GNL2: variants seen among roughly 807,000 people sequenced by gnomAD.
GNL2 encodes G protein nucleolar 2.
GNL2 carries 51 observed loss-of-function variants against 92.3 expected under a neutral mutation model. The observed-to-expected ratio is 0.55, with a 90% CI of 0.44 to 0.70. The LOEUF (loss-of-function observed/expected upper bound fraction) is 0.70. Ranked by LOEUF, GNL2 falls within the 30% of genes least tolerant of loss-of-function variation. The pLI, the probability that GNL2 is intolerant of heterozygous loss-of-function variation, is 0.00. For missense variants in GNL2, 844 were observed against 895.6 expected, an observed-to-expected ratio of 0.94 and a Z score of 0.74; for synonymous variants, 283 against 300.6, an observed-to-expected ratio of 0.94 and a Z score of 0.61.
Position 37,575,602 on chromosome 1 carries a change from T to C in GNL2, c.1136A>G (p.Lys379Arg). Residue 379 changes from lysine (K) to arginine (R), a missense_variant, in exon 10 of 16, where the codon AAA (lysine) becomes AGA (arginine). Transcript: ENST00000373062. This position sits in a 1 kb window ranked among gnomAD's most constrained non-coding sequence, Gnocchi z 4.1. The stretch of plus-strand genomic sequence containing the variant: ...TCAGGGCCAAATACTCACAACTCCT[T>C]TTAGCACAATGTCTGTCTCGGAGTC... ...SEDSETDIVLKGVVQVEKIKS... is the reference protein window; with the variant it reads ...SEDSETDIVLRGVVQVEKIKS... 2 of 1,580,368 alleles carry C rather than the reference T, an allele frequency of 1.3e-6. No individual in the cohort carries two copies. The highest frequency in any genetic ancestry group is 1.4e-5 in the African/African-American group (1 of 72,844).
Position 37,574,326 on chromosome 1 carries a change from G to A in GNL2, c.1416+17C>T, listed in dbSNP as rs546299461. 41 of 1,567,738 alleles carry A rather than the reference G, an allele frequency of 2.6e-5. No individual in the cohort carries two copies. The highest frequency in any genetic ancestry group is 3.6e-5 in the Non-Finnish European group (41 of 1,139,732). On this transcript the variant is annotated intron_variant, in intron 12 of 15. Transcript: ENST00000373062. ...CAGGACCCATGCTCCCCAGAGGTGG[G>A]CCCACCCTGCTCTTACCTGGGGGGC...
chr1:37,582,286 A>G lies in GNL2; in HGVS notation c.846T>C (p.His282=), dbSNP rs754217717. Residue 282 remains histidine (H), a synonymous_variant, in exon 8 of 16, where the codon CAT becomes CAC. Transcript: ENST00000373062. The part of the protein sequence containing the change: ...LSQDYPTLAF[H]ASLTNPFGKG... ...TGCCAAACGGGTTAGTAAGGCTTGC[A>G]TGGAAAGCAAGTGTTGGATAATCCT... 10 of 1,613,636 alleles carry G rather than the reference A, an allele frequency of 6.2e-6. No individual in the cohort carries two copies. The highest frequency in any genetic ancestry group is 1.3e-5 in the African/African-American group (1 of 74,932).
In GNL2 at chr1:37,574,475, AT is replaced by A. The variant is rs1424189280; in HGVS notation, c.1303-20del. The A allele has an allele frequency of 1.3e-6, 2 of 1,595,420 alleles. No individual in the cohort carries two copies. The highest frequency in any genetic ancestry group is 2.7e-5 in the African/African-American group (2 of 74,530). The stretch of plus-strand genomic sequence containing the variant: ...CTCCACCCTGAAAGGTCACAAAGAG[AT>A]TCCCAATTAAATTCAAAGGACCAAA... On this transcript the variant is annotated intron_variant, in intron 11 of 15. Transcript: ENST00000373062.
chr1:37,576,383 G>GA, intron 9 of GNL2, 45 bp downstream of exon 9: 1 of 1,578,376 alleles, frequency 6.3e-7, no homozygotes, highest in East Asian at 2.2e-5. Context: ...CACTCTCTAT[G>GA]AAAAGAAAAT....
chr1:37,595,749 C>A lies in GNL2; in HGVS notation c.64+10G>T. The A allele has an allele frequency of 6.2e-7, 1 of 1,613,058 alleles. No homozygotes were observed. Among genetic ancestry groups the A allele is most frequent in the Non-Finnish European group, 8.5e-7 (1 of 1,178,922 alleles). ...CAAGCTCCACCCTCGATCAGCCCTG[C>A]CGCCTGTACCTGGGTTTGTGCTGGC... On this transcript the variant is annotated intron_variant, in intron 1 of 15. Transcript: ENST00000373062.
Position 37,575,559 on chromosome 1 carries a change from G to A in GNL2, c.1143+36C>T, listed in dbSNP as rs772528378. 17 of 1,285,018 alleles carry A rather than the reference G, an allele frequency of 1.3e-5. No individual in the cohort carries two copies. The Admixed American group carries it at 1.4e-4, about 11-fold the overall frequency. The allele number at this position is 1,285,018 out of a possible 1,614,324, so 79.6% of individuals were successfully genotyped here. On this transcript the variant is annotated intron_variant, in intron 10 of 15. Transcript: ENST00000373062. The surrounding 1 kb of genome is among the most constrained non-coding windows in gnomAD (Gnocchi z 4.1). ...AGGGTTCCCTATAGAACACTCCCCC[G>A]CAAACACAAACAGCCTATCAGGGCC...
intron 15 of GNL2, 141 bp from the exon 16 acceptor site, chr1:37,567,148 G>C: frequency 1.2e-6 from 1 of 825,438 alleles, no homozygotes; most frequent in South Asian, 1.8e-5. Flanking sequence ...GTGCTAATGA[G>C]GGAGGGCTCC....
At position 37,593,815 on chromosome 1, in the gene GNL2, C is replaced by T. The variant is rs140969125; in HGVS notation, c.96G>A (p.Met32Ile). Residue 32 changes from methionine to isoleucine, a missense_variant, in exon 2 of 16, where the codon ATG (methionine) becomes ATA (isoleucine). Met to Ile is a conservative substitution (Grantham distance 10). Transcript: ENST00000373062. ...GGCGCCGGATGGTGGCCCGGTCCCT[C>T]ATGTTTTGGCCTCCTGCTCCCTGCA... ...DRVQGAGGQN[M>I]RDRATIRRLN... is the part of the protein sequence containing the mutation. 7.1e-5 allele frequency: 115 copies of T among 1,613,976 alleles called. No homozygotes were observed. In the African/African-American group the frequency reaches 1.4e-3, roughly 19 times the overall value.
At chr1:37,593,974 A>C in intron 1 of GNL2, 128 bp from the exon 2 acceptor site, 1 of 625,790 alleles carries the variant, frequency 1.6e-6, no homozygotes. Flanking sequence ...AAAAATCTCT[A>C]CTTTCTCCAT....
chr1:37,578,296 A>G (rs966569968), intron 8 of GNL2, among the ~76,000 whole-genome samples: 2 of 151,974 alleles, frequency 1.3e-5, no homozygotes, highest in Non-Finnish European at 2.9e-5. Flanking sequence ...AAAATTAACC[A>G]GGTCTGGTGG....
At chr1:37,582,753 A>G (rs1643791397) in intron 7 of GNL2, 25 bp downstream of exon 7, 6 of 1,584,232 alleles carry the variant, frequency 3.8e-6, no homozygotes, top group South Asian at 1.1e-5. Flanking sequence ...TTAATAGTCT[A>G]TTCTGGTTTA....
At chr1:37,567,889 T>G (rs928311680) in intron 14 of GNL2, 125 bp from the exon 15 acceptor site, 1 of 727,936 alleles carries the variant, frequency 1.4e-6, no homozygotes, top group African/African-American at 1.7e-5. Flanking sequence ...GTGAGCACAG[T>G]GGTGAGTAAA....
At chr1:37,582,398 G>T in intron 7 of GNL2, 62 bp from the exon 8 acceptor site, 1 of 947,818 alleles carries the variant, frequency 1.1e-6, no homozygotes, top group Non-Finnish European at 1.6e-6. Context: ...TTATGTGGAA[G>T]AATCAGAGCT....
intron 4 of GNL2, among the ~76,000 whole-genome samples, chr1:37,588,791 G>A (rs1330382562): frequency 6.6e-6 from 1 of 152,132 alleles, no homozygotes; most frequent in Non-Finnish European, 1.5e-5. Context: ...TAACTCCACT[G>A]TGCAAAATAA....
intron 2 of GNL2, among the ~76,000 whole-genome samples, chr1:37,593,047 C>T (rs114172253): frequency 0.011 from 1,719 of 151,966 alleles, 38 homozygotes; most frequent in African/African-American, 0.04. Flanking sequence ...CTAATGGTGA[C>T]GTTCTAAAAA....
In GNL2 at chr1:37,582,309, C is replaced by G. The variant is rs757993355; in HGVS notation, c.823G>C (p.Asp275His). The change falls in exon 8 of 16, where the codon GAT (aspartate) becomes CAT (histidine). Residue 275 changes from aspartate (D) to histidine (H), a missense_variant. Physicochemically the swap from Asp to His is moderately conservative, Grantham distance 81 (BLOSUM62 -1). Coordinates refer to ENST00000373062, the MANE Select transcript of GNL2 (RefSeq NM_013285.3). ...TKRWVAVLSQ[D>H]YPTLAFHASL... Reference sequence around the variant, plus strand: ...GCATGGAAAGCAAGTGTTGGATAATCCTGGGAGAGGACAGCAACCCACCGT... The same window carrying G: ...GCATGGAAAGCAAGTGTTGGATAATGCTGGGAGAGGACAGCAACCCACCGT... 1 of 1,612,590 alleles carries G rather than the reference C, an allele frequency of 6.2e-7. No individual in the cohort carries two copies. The highest frequency in any genetic ancestry group is 8.5e-7 in the Non-Finnish European group (1 of 1,179,266).
chr1:37,587,234 T>G lies in GNL2; in HGVS notation c.569+77A>C, dbSNP rs112146404. On this transcript the variant is annotated intron_variant, in intron 5 of 15. Transcript: ENST00000373062. Reference sequence around the variant, plus strand: ...GTGGGCCAAGATCGCACCACTGCATTCCAGCCTGGGCGACAAAGCAAGACT... The same window carrying G: ...GTGGGCCAAGATCGCACCACTGCATGCCAGCCTGGGCGACAAAGCAAGACT... The G allele has an allele frequency of 8.2e-5, 94 of 1,151,484 alleles. No homozygotes were observed. The African/African-American group carries it at 1.3e-3, about 16-fold the overall frequency. The allele number at this position is 1,151,484 out of a possible 1,614,324, so 71.3% of individuals were successfully genotyped here.
rs34721968 is a variant in GNL2, at chr1:37,591,504, CT to C, written c.245-660del. Among the ~76,000 whole-genome samples, 721 of 135,006 alleles carry C rather than the reference CT, an allele frequency of 5.3e-3. 1 individual carries two copies. The highest frequency in any genetic ancestry group is 6.5e-3 in the Non-Finnish European group (407 of 63,072). The allele number at this position is 135,006 out of a possible 152,430, so 88.6% of individuals were successfully genotyped here. A position where few individuals can be genotyped will look rare whatever the true frequency, so the allele number is the denominator to read the frequency against. On this transcript the variant is annotated intron_variant, in intron 3 of 15. Coordinates refer to ENST00000373062, the MANE Select transcript of GNL2 (RefSeq NM_013285.3). The stretch of plus-strand genomic sequence containing the variant: ...TCTAAGCACTTTATATATATTTACT[CT>C]TTTTTTTTTTTTTTTTTTGAGATGG...
At chr1:37,571,069 T>G (rs1643587152) in intron 12 of GNL2, among the ~76,000 whole-genome samples, 1 of 152,166 alleles carries the variant, frequency 6.6e-6, no homozygotes, top group African/African-American at 2.4e-5. Flanking sequence ...GGAAGGGCAA[T>G]TTTTGGCTTT....
Sources: gnomAD v4.1 joint callset for allele counts (sites outside exome capture counted in the v4.1 genomes callset) on GRCh38, gnomAD v4.1.1 for gene constraint, Gnocchi (gnomAD v3.1) non-coding constraint, MANE v1.5 for transcripts, NCBI Gene and HGNC (gene_info 2026-07-23, HGNC 2026-07-21) for gene names.